Variants in TRAPPC10 observed in about 807,000 individuals in gnomAD.
The protein encoded by TRAPPC10 is TRAPP 130 kDa subunit.
TRAPPC10 carries 23 observed loss-of-function variants against 125.5 expected under a neutral mutation model. The observed-to-expected ratio is 0.18, with a 90% CI of 0.13 to 0.26. The LOEUF is 0.26. Among genes scored for constraint, TRAPPC10 ranks in the 10% least tolerant of loss-of-function variants. TRAPPC10 has a pLI of 1.00. For missense variants in TRAPPC10, 1,123 were observed against 1,308.4 expected, an observed-to-expected ratio of 0.86 and a Z score of 2.19; for synonymous variants, 509 against 518.0, an observed-to-expected ratio of 0.98 and a Z score of 0.24.
At chr21:44,057,552 T>A (rs747252155) in intron 5 of TRAPPC10, among the ~76,000 whole-genome samples, 1 of 152,184 alleles carries the variant, frequency 6.6e-6, no homozygotes, top group Non-Finnish European at 1.5e-5. Context: ...CGCAAAGTGC[T>A]GGAATTACAA....
Position 44,090,651 on chromosome 21 carries a change from G to A in TRAPPC10, c.2870+718G>A, listed in dbSNP as rs144423536. 3.2e-3 allele frequency among the ~76,000 whole-genome samples: 494 copies of A among 152,248 alleles called. 5 individuals are homozygous for A. The highest frequency in any genetic ancestry group is 9.7e-3 in the African/African-American group (404 of 41,534). On this transcript the variant is annotated intron_variant, in intron 18 of 22. Transcript: ENST00000291574. ...CTGTTGACTGCACCGGGAGGCCCAC[G>A]GTGTCCAGGTGTCCTACCTTAGTGA...
chr21:44,042,579 A>G (rs2034497883), intron 3 of TRAPPC10, among the ~76,000 whole-genome samples: 1 of 152,134 alleles, frequency 6.6e-6, no homozygotes, highest in Admixed American at 6.5e-5. Context: ...TGGACATTTC[A>G]TGTGTGTTTG....
At chr21:44,064,344 T>TGTGTGTGA (rs1555947834) in intron 7 of TRAPPC10, among the ~76,000 whole-genome samples, 2 of 151,562 alleles carry the variant, frequency 1.3e-5, no homozygotes, top group Middle Eastern at 3.4e-3. Flanking sequence ...TGTGTGAGTG[T>TGTGTGTGA]GAGAATGTAG....
chr21:44,085,472 A>G lies in TRAPPC10; in HGVS notation c.2380+1209A>G, dbSNP rs9977576. ...CACTTTGGGAGGCCAAGGCTTTGAGACCAGCATGGGTAAGCCAGTCGGGGC... is the reference window on the plus strand; with the variant it reads ...CACTTTGGGAGGCCAAGGCTTTGAGGCCAGCATGGGTAAGCCAGTCGGGGC... On this transcript the variant is annotated intron_variant, in intron 15 of 22. Coordinates refer to ENST00000291574, the MANE Select transcript of TRAPPC10 (RefSeq NM_003274.5). Among the ~76,000 whole-genome samples the G allele has an allele frequency of 5.5e-3, 839 of 152,290 alleles. 7 individuals carry two copies. The highest frequency in any genetic ancestry group is 0.019 in the African/African-American group (789 of 41,560).
intron 13 of TRAPPC10, among the ~76,000 whole-genome samples, chr21:44,080,741 G>A (rs180916294): frequency 5.7e-4 from 86 of 151,992 alleles, no homozygotes; most frequent in African/African-American, 2.0e-3. Flanking sequence ...GTTTTGCTCT[G>A]TTGGCCAGGC....
At chr21:44,029,914 G>T (rs1002444155) in intron 1 of TRAPPC10, among the ~76,000 whole-genome samples, 1 of 152,242 alleles carries the variant, frequency 6.6e-6, no homozygotes, top group African/African-American at 2.4e-5. Flanking sequence ...GTGGGACACA[G>T]TTCAGCCCAT....
intron 3 of TRAPPC10, among the ~76,000 whole-genome samples, chr21:44,039,835 G>A (rs995895970): frequency 6.6e-5 from 10 of 152,200 alleles, no homozygotes; most frequent in African/African-American, 2.4e-4. Flanking sequence ...CTGCACTCTA[G>A]TCTGGGAGAC....
chr21:44,083,078 C>T lies in TRAPPC10; in HGVS notation c.2014C>T (p.Pro672Ser). 6.2e-7 allele frequency: 1 copy of T among 1,614,098 alleles called. No homozygotes were observed. The highest frequency in any genetic ancestry group is 8.5e-7 in the Non-Finnish European group (1 of 1,180,034). ...TTTCCCTGTATCCCAAAACAGTTTG[C>T]CCGCGCTGGAGTTGTATGAAATGTT... Reference protein sequence around the residue: ...APFPVSQNSLPALELYEMFER... With the variant: ...APFPVSQNSLSALELYEMFER... The change falls in exon 14 of 23, where the codon CCC becomes TCC. Residue 672 changes from proline to serine, a missense_variant. Physicochemically the swap from Pro to Ser is moderately conservative, Grantham distance 74. This residue lies in a region of TRAPPC10 where 840 missense variants were observed against 902.0 expected (regional missense o/e 0.93). Transcript: ENST00000291574.
At chr21:44,013,343 A>G (rs1400430038) in intron 1 of TRAPPC10, among the ~76,000 whole-genome samples, 1 of 152,262 alleles carries the variant, frequency 6.6e-6, no homozygotes, top group Middle Eastern at 3.2e-3. Context: ...CAGTGAGCTT[A>G]TGGGAAGTAT....
At chr21:44,094,344 G>T in intron 20 of TRAPPC10, 111 bp downstream of exon 20, 2 of 1,060,034 alleles carry the variant, frequency 1.9e-6, no homozygotes, top group East Asian at 2.5e-5. Context: ...TAATGAAGGA[G>T]CAGCTGGAGA....
chr21:44,061,285 C>T (rs1288754242), intron 6 of TRAPPC10, among the ~76,000 whole-genome samples: 4 of 152,066 alleles, frequency 2.6e-5, no homozygotes, highest in South Asian at 2.1e-4. Context: ...TACAGGTGCC[C>T]GCCACCAAGC....
chr21:44,052,976 C>T (rs1247271692), intron 4 of TRAPPC10, among the ~76,000 whole-genome samples: 1 of 152,076 alleles, frequency 6.6e-6, no homozygotes, highest in Non-Finnish European at 1.5e-5. Context: ...TGCTCTCTCT[C>T]CTGGGGTAGC....
At position 44,094,123 on chromosome 21, in the gene TRAPPC10, C is replaced by A; in HGVS notation, c.3058C>A (p.Pro1020Thr). The A allele has an allele frequency of 6.2e-7, 1 of 1,614,158 alleles. No homozygotes were observed. Among genetic ancestry groups the A allele is most frequent in the South Asian group, 1.1e-5 (1 of 91,084 alleles). The change falls in exon 20 of 23, where the codon CCC becomes ACC. Residue 1020 changes from proline (P) to threonine (T), a missense_variant. By Grantham distance (38) the Pro-to-Thr change is conservative (BLOSUM62 -1). Coordinates refer to ENST00000291574, the MANE Select transcript of TRAPPC10 (RefSeq NM_003274.5). ...VWELKWTEEP[P>T]PSLHCRFSVG... ...GGAACTCAAGTGGACAGAAGAGCCT[C>A]CCCCTTCTCTGCATTGCCGGTTCTC...
intron 19 of TRAPPC10, among the ~76,000 whole-genome samples, chr21:44,093,715 A>G (rs1465321699): frequency 1.3e-5 from 2 of 152,146 alleles, no homozygotes; most frequent in Non-Finnish European, 2.9e-5. Context: ...CCGAGATCCT[A>G]TCACTGCACT....
At chr21:44,062,920 G>A (rs942965352) in intron 6 of TRAPPC10, 20 of 1,251,548 alleles carry the variant, frequency 1.6e-5, no homozygotes, top group African/African-American at 4.7e-5. Flanking sequence ...ACATTGTTAT[G>A]CTTATTTTAA....
At chr21:44,089,515 C>G (rs1329396897) in intron 17 of TRAPPC10, 1 of 489,664 alleles carries the variant, frequency 2.0e-6, no homozygotes, top group East Asian at 6.0e-5. Flanking sequence ...CTCCGCGGCC[C>G]TGCGTGTATG....
intron 1 of TRAPPC10, among the ~76,000 whole-genome samples, chr21:44,018,918 G>C (rs995962042): frequency 6.6e-6 from 1 of 152,094 alleles, no homozygotes; most frequent in Non-Finnish European, 1.5e-5. Flanking sequence ...CCCTGGAGTC[G>C]CATGCCTTAG....
At chr21:44,013,722 C>T (rs1024553852) in intron 1 of TRAPPC10, among the ~76,000 whole-genome samples, 2 of 152,162 alleles carry the variant, frequency 1.3e-5, no homozygotes, top group African/African-American at 4.8e-5. Context: ...CTCCTCTCCT[C>T]CTCTCTCTTT....
At chr21:44,061,222 C>T (rs558190360) in intron 6 of TRAPPC10, among the ~76,000 whole-genome samples, 37 of 152,114 alleles carry the variant, frequency 2.4e-4, no homozygotes, top group Non-Finnish European at 4.3e-4. Flanking sequence ...CTGCAACCTC[C>T]GCCTCCCGGG....
Sources: gnomAD v4.1 joint callset for allele counts (sites outside exome capture counted in the v4.1 genomes callset) on GRCh38, gnomAD v4.1.1 for gene constraint, gnomAD v4.1.1 regional missense constraint, MANE v1.5 for transcripts, NCBI Gene and HGNC (gene_info 2026-07-23, HGNC 2026-07-21) for gene names.